MAP2: variants seen among roughly 807,000 people sequenced by gnomAD.
MAP2 encodes the protein microtubule associated protein 2.
In MAP2, 14 loss-of-function variants were observed where a neutral mutation model predicts 137.6. The observed-to-expected ratio is 0.10, with a 90% confidence interval of 0.07 to 0.16. The LOEUF (loss-of-function observed/expected upper bound fraction) is 0.16, where lower values mean the gene tolerates loss of function less well. Among genes scored for constraint, MAP2 ranks in the 10% least tolerant of loss-of-function variants. The pLI is 1.00. For missense variants in MAP2, 2,088 were observed against 2,191.5 expected (o/e 0.95, Z 0.94); for synonymous variants, 786 against 782.3 (o/e 1.00, Z -0.08).
chr2:209,588,313 TTTTTTGTTTTTG>T (rs1321767119), intron 3 of MAP2, among the ~76,000 whole-genome samples: 1 of 151,036 alleles, frequency 6.6e-6, no homozygotes, highest in African/African-American at 2.4e-5. Flanking sequence ...GTAAGTTTTG[TTTTTTGTTTTTG>T]TTTTTGTTTT....
At position 209,729,742 on chromosome 2, in the gene MAP2, A is replaced by G. The variant is rs561346154; in HGVS notation, c.5156-108A>G. The G allele has an allele frequency of 5.5e-5, 37 of 672,590 alleles. No homozygotes were observed. The South Asian group carries it at 6.5e-4, about 12-fold the overall frequency. 41.7% of individuals were successfully genotyped at this position (672,590 alleles called of 1,614,324 possible). On this transcript the variant is annotated intron_variant, in intron 14 of 15. Transcript: ENST00000682079. ...ACATATATGGTTGGAGGGATGGTAA[A>G]GTTAATAAATTTGTGGTTTGCCGTA...
intron 1 of MAP2, among the ~76,000 whole-genome samples, chr2:209,479,284 T>C (rs967496374): frequency 3.3e-5 from 5 of 152,124 alleles, no homozygotes; most frequent in Non-Finnish European, 5.9e-5. Flanking sequence ...AGAAGGGATT[T>C]TGTGGGGTTT....
At chr2:209,437,093 C>A (rs969373611) in intron 1 of MAP2, among the ~76,000 whole-genome samples, 8 of 151,618 alleles carry the variant, frequency 5.3e-5, no homozygotes, top group Non-Finnish European at 1.2e-4. Flanking sequence ...TCAGTTTTCA[C>A]AACTGAAATC....
At chr2:209,591,580 G>C (rs2079264433) in intron 3 of MAP2, among the ~76,000 whole-genome samples, 1 of 152,118 alleles carries the variant, frequency 6.6e-6, no homozygotes, top group Non-Finnish European at 1.5e-5. Context: ...ACCTACTTAT[G>C]GTAAACAAAT....
intron 14 of MAP2, among the ~76,000 whole-genome samples, chr2:209,726,840 A>G (rs2074247040): frequency 6.6e-6 from 1 of 152,206 alleles, no homozygotes; most frequent in African/African-American, 2.4e-5. Context: ...GAATATTTTG[A>G]CACAATTCAT....
At chr2:209,554,300 T>G (rs1055899310) in intron 2 of MAP2, among the ~76,000 whole-genome samples, 1 of 152,178 alleles carries the variant, frequency 6.6e-6, no homozygotes, top group African/African-American at 2.4e-5. Context: ...ATCCCCTGTT[T>G]ATTCTGCCTG....
chr2:209,675,436 G>A (rs1398979243), intron 5 of MAP2, among the ~76,000 whole-genome samples: 3 of 151,840 alleles, frequency 2.0e-5, no homozygotes, highest in Non-Finnish European at 2.9e-5. Context: ...TATCACTCAC[G>A]ATTAGTACTG....
At chr2:209,707,835 A>G (rs893548299) in intron 12 of MAP2, among the ~76,000 whole-genome samples, 3 of 152,184 alleles carry the variant, frequency 2.0e-5, no homozygotes, top group African/African-American at 7.2e-5. Context: ...CGTGTTTTCT[A>G]CAAGTATGGA....
intron 2 of MAP2, among the ~76,000 whole-genome samples, chr2:209,532,625 C>A (rs980786045): frequency 2.0e-5 from 3 of 152,136 alleles, no homozygotes; most frequent in Admixed American, 2.0e-4. Flanking sequence ...CTCACAGATT[C>A]CTAAATGTGG....
intron 2 of MAP2, among the ~76,000 whole-genome samples, chr2:209,532,534 G>C (rs904132256): frequency 1.3e-5 from 2 of 152,082 alleles, no homozygotes; most frequent in Non-Finnish European, 2.9e-5. Flanking sequence ...CTTACAGCTG[G>C]CTGGGACTGG....
At chr2:209,470,332 C>T (rs1372862400) in intron 1 of MAP2, among the ~76,000 whole-genome samples, 1 of 152,102 alleles carries the variant, frequency 6.6e-6, no homozygotes, top group Non-Finnish European at 1.5e-5. Flanking sequence ...GTATATTTAT[C>T]TAGCCAAGCG....
chr2:209,472,106 T>C (rs1316530629), intron 1 of MAP2, among the ~76,000 whole-genome samples: 2 of 152,158 alleles, frequency 1.3e-5, no homozygotes, highest in Non-Finnish European at 2.9e-5. Flanking sequence ...TTATTTTGTA[T>C]ATATGAGGTT....
chr2:209,565,517 G>A (rs1407128605), intron 2 of MAP2, among the ~76,000 whole-genome samples: 1 of 152,160 alleles, frequency 6.6e-6, no homozygotes, highest in Non-Finnish European at 1.5e-5. Flanking sequence ...ACTATTCCCA[G>A]ACCGAAAATA....
At chr2:209,644,132 T>A (rs1182887305) in intron 4 of MAP2, among the ~76,000 whole-genome samples, 3 of 152,198 alleles carry the variant, frequency 2.0e-5, no homozygotes, top group Non-Finnish European at 2.9e-5. Context: ...TTGGAGCTAA[T>A]TGACTGAAAA....
intron 1 of MAP2, among the ~76,000 whole-genome samples, chr2:209,507,261 T>C (rs553350887): frequency 7.2e-5 from 11 of 152,290 alleles, no homozygotes; most frequent in African/African-American, 2.6e-4. Flanking sequence ...AATGGTAGTA[T>C]ATTAAGAACA....
chr2:209,549,897 C>T (rs1176441506), intron 2 of MAP2, among the ~76,000 whole-genome samples: 3 of 152,188 alleles, frequency 2.0e-5, no homozygotes, highest in Admixed American at 1.3e-4. Flanking sequence ...TTCTCACCCT[C>T]TGGGAACTAT....
At chr2:209,611,080 A>T (rs1394549193) in intron 3 of MAP2, among the ~76,000 whole-genome samples, 4 of 152,214 alleles carry the variant, frequency 2.6e-5, no homozygotes. Context: ...ATATTTGGTC[A>T]CTTTTTATAC....
chr2:209,700,310 T>C lies in MAP2; in HGVS notation c.4556T>C (p.Val1519Ala). The change falls in exon 11 of 16, where the codon GTA (valine) becomes GCA (alanine). Residue 1519 changes from valine to alanine, a missense_variant. Physicochemically the swap from Val to Ala is moderately conservative, Grantham distance 64. Coordinates refer to ENST00000682079, the MANE Select transcript of MAP2 (RefSeq NM_001375505.1). ...AGGESALAPS[V>A]FKQAKDKVSD... The stretch of plus-strand genomic sequence containing the variant: ...GGGGAATCAGCTCTGGCTCCCAGTG[T>C]ATTTAAACAGGCAAAGGACAAAGTC... The C allele has an allele frequency of 6.2e-7, 1 of 1,613,732 alleles. No homozygotes were observed. The highest frequency in any genetic ancestry group is 2.2e-5 in the East Asian group (1 of 44,862).
intron 4 of MAP2, among the ~76,000 whole-genome samples, chr2:209,632,775 G>T (rs1365146972): frequency 6.6e-6 from 1 of 152,008 alleles, no homozygotes; most frequent in Admixed American, 6.6e-5. Context: ...TCCTAAATCT[G>T]GCCAGGCACC....
Sources: allele counts gnomAD v4.1 joint callset (sites outside exome capture counted in the v4.1 genomes callset), GRCh38; gene constraint gnomAD v4.1.1; transcripts MANE v1.5; gene names NCBI Gene and HGNC (gene_info 2026-07-23, HGNC 2026-07-21).